KLHL29: variants seen among roughly 807,000 people sequenced by gnomAD.
KLHL29 encodes kelch-like protein 29.
Under a neutral mutation model 80.4 loss-of-function variants are expected in KLHL29, and 21 were observed. That is an observed-to-expected ratio of 0.26 (90% CI 0.19 to 0.38). The LOEUF is 0.38. Among genes scored for constraint, KLHL29 ranks in the 10% least tolerant of loss-of-function variants. The probability of loss-of-function intolerance (pLI) is 1.00; values close to 1 mark genes in which losing one functional copy is unlikely to be tolerated. For missense variants in KLHL29, 867 were observed against 1,223.9 expected (o/e 0.71, Z 4.35); for synonymous variants, 511 against 526.8 (o/e 0.97, Z 0.41).
In KLHL29 at chr2:23,476,719, T is replaced by C. The variant is rs79822377; in HGVS notation, c.-46+1052T>C. 1.3e-3 allele frequency among the ~76,000 whole-genome samples: 194 copies of C among 152,382 alleles called. 1 individual carries two copies. The highest frequency in any genetic ancestry group is 4.5e-3 in the African/African-American group (187 of 41,590). On this transcript the variant is annotated intron_variant, in intron 2 of 13. Coordinates refer to ENST00000486442, the MANE Select transcript of KLHL29 (RefSeq NM_052920.2). ...AAACATTGTTGCATATGTATCTGCA[T>C]AGTCATTTGATTACTTCTTTGGCTT... is the stretch of plus-strand genomic sequence containing the variant.
chr2:23,703,781 G>A lies in KLHL29; in HGVS notation c.2362G>A (p.Ala788Thr). The stretch of plus-strand genomic sequence containing the variant: ...CGTTTTCATCCTGGGCGGGGCTTAT[G>A]CCAGAGCTACCACCATCTACGACCC... ...GFVFILGGAY[A>T]RATTIYDPEK... The change falls in exon 13 of 14, where the codon GCC becomes ACC. Residue 788 changes from alanine to threonine, a missense_variant. By Grantham distance (58) the Ala-to-Thr change is moderately conservative. This residue lies in a region of KLHL29 where 443 missense variants were observed against 767.0 expected (regional missense o/e 0.58). Coordinates refer to ENST00000486442, the MANE Select transcript of KLHL29 (RefSeq NM_052920.2). 1 of 1,537,412 alleles carries A rather than the reference G, an allele frequency of 6.5e-7. No individual in the cohort carries two copies. Among genetic ancestry groups the A allele is most frequent in the Non-Finnish European group, 8.7e-7 (1 of 1,146,934 alleles).
intron 1 of KLHL29, among the ~76,000 whole-genome samples, chr2:23,423,717 C>G (rs1470290990): frequency 3.3e-5 from 5 of 152,052 alleles, no homozygotes; most frequent in Non-Finnish European, 7.4e-5. Flanking sequence ...TGTGGGATCT[C>G]GCTGGTCCTC....
intron 1 of KLHL29, among the ~76,000 whole-genome samples, chr2:23,442,688 C>T (rs1205766167): frequency 6.6e-6 from 1 of 152,130 alleles, no homozygotes; most frequent in Non-Finnish European, 1.5e-5. Flanking sequence ...TTTTAAGCCA[C>T]TGAGTTTGTG....
intron 4 of KLHL29, among the ~76,000 whole-genome samples, chr2:23,640,396 ACTGTGTCT>A (rs1308781912): frequency 6.6e-6 from 1 of 152,106 alleles, no homozygotes; most frequent in African/African-American, 2.4e-5. Flanking sequence ...CCTCCATGGC[ACTGTGTCT>A]CTGTGTCTCT....
intron 2 of KLHL29, among the ~76,000 whole-genome samples, chr2:23,521,075 G>A (rs537357912): frequency 1.7e-4 from 25 of 148,760 alleles, no homozygotes; most frequent in African/African-American, 5.3e-4. Flanking sequence ...GTACATAACC[G>A]GATGGCTAGA....
intron 4 of KLHL29, among the ~76,000 whole-genome samples, chr2:23,641,786 C>A (rs1669777628): frequency 6.6e-6 from 1 of 152,076 alleles, no homozygotes. Flanking sequence ...GAGTTCGAGA[C>A]CAGCCTGGCC....
At chr2:23,469,415 G>A (rs1664436491) in intron 1 of KLHL29, among the ~76,000 whole-genome samples, 1 of 152,214 alleles carries the variant, frequency 6.6e-6, no homozygotes, top group African/African-American at 2.4e-5. Context: ...GGTTCGTGTG[G>A]CATCTAATGA....
chr2:23,509,627 A>T (rs1327743357), intron 2 of KLHL29, among the ~76,000 whole-genome samples: 1 of 152,182 alleles, frequency 6.6e-6, no homozygotes, highest in Non-Finnish European at 1.5e-5. Flanking sequence ...TTCAGTTGTG[A>T]TTTAATATGT....
chr2:23,510,992 G>T (rs564795123), intron 2 of KLHL29, among the ~76,000 whole-genome samples: 69 of 152,284 alleles, frequency 4.5e-4, no homozygotes, highest in African/African-American at 1.4e-3. Context: ...GTATTAGTTT[G>T]CTAGGGCCAC....
chr2:23,589,122 T>A (rs185105095), intron 3 of KLHL29, among the ~76,000 whole-genome samples: 356 of 152,378 alleles, frequency 2.3e-3, no homozygotes, highest in African/African-American at 7.8e-3. Context: ...AATAAATGTC[T>A]GTGAATTTAA....
intron 5 of KLHL29, among the ~76,000 whole-genome samples, chr2:23,674,300 G>A (rs1022771677): frequency 6.6e-6 from 1 of 152,162 alleles, no homozygotes; most frequent in African/African-American, 2.4e-5. Context: ...AAACAAAGGG[G>A]CCAAACAGAC....
chr2:23,398,190 GC>G (rs1482345238), intron 1 of KLHL29, among the ~76,000 whole-genome samples: 8 of 152,346 alleles, frequency 5.3e-5, no homozygotes, highest in Admixed American at 4.6e-4. Context: ...ATTCACAATA[GC>G]CAAAAGGTAG....
At chr2:23,403,437 G>T (rs569783240) in intron 1 of KLHL29, among the ~76,000 whole-genome samples, 1 of 152,268 alleles carries the variant, frequency 6.6e-6, no homozygotes. Flanking sequence ...ATAATTCTCA[G>T]GATTCTCTTC....
At chr2:23,620,708 A>T (rs557611978) in intron 3 of KLHL29, among the ~76,000 whole-genome samples, 2 of 152,278 alleles carry the variant, frequency 1.3e-5, no homozygotes, top group South Asian at 4.2e-4. Flanking sequence ...GGTGACAGTG[A>T]TGTGGCAACT....
chr2:23,517,341 G>A (rs569491656), intron 2 of KLHL29, among the ~76,000 whole-genome samples: 18 of 152,290 alleles, frequency 1.2e-4, no homozygotes, highest in African/African-American at 4.1e-4. Flanking sequence ...TCAGGAAATC[G>A]AGACCATCCT....
intron 1 of KLHL29, among the ~76,000 whole-genome samples, chr2:23,470,723 T>C (rs1028153009): frequency 2.0e-5 from 3 of 152,176 alleles, no homozygotes; most frequent in Non-Finnish European, 2.9e-5. Flanking sequence ...CAGTGGCCAA[T>C]TGTGGCTCCT....
At chr2:23,633,756 C>CTGTGT (rs35002083) in intron 3 of KLHL29, among the ~76,000 whole-genome samples, 5,677 of 147,164 alleles carry the variant, frequency 0.039, 157 homozygotes, top group African/African-American at 0.059. Flanking sequence ...TCACAGCACT[C>CTGTGT]GTGTGTGTGT....
chr2:23,458,575 T>C (rs930444427), intron 1 of KLHL29, among the ~76,000 whole-genome samples: 7 of 152,198 alleles, frequency 4.6e-5, no homozygotes, highest in Admixed American at 3.9e-4. Context: ...ACATAAATTA[T>C]AATTATGAAC....
At chr2:23,515,090 T>C (rs936827060) in intron 2 of KLHL29, among the ~76,000 whole-genome samples, 10 of 152,196 alleles carry the variant, frequency 6.6e-5, no homozygotes, top group African/African-American at 2.4e-4. Context: ...AATGAATTAA[T>C]GAACTTGATA....
Sources: allele counts gnomAD v4.1 joint callset (sites outside exome capture counted in the v4.1 genomes callset), GRCh38; gene constraint gnomAD v4.1.1; regional missense constraint gnomAD v4.1.1; transcripts MANE v1.5; gene names NCBI Gene and HGNC (gene_info 2026-07-23, HGNC 2026-07-21).